CNKSR3: variants seen among roughly 807,000 people sequenced by gnomAD.
CNKSR3 encodes connector enhancer of kinase suppressor of ras 3.
Under a neutral mutation model 67.7 loss-of-function variants are expected in CNKSR3, and 36 were observed. The ratio of observed to expected loss-of-function variants is 0.53; its 90% confidence interval spans 0.41 to 0.70. The LOEUF (loss-of-function observed/expected upper bound fraction) is 0.70, where lower values mean the gene tolerates loss of function less well. Ranked by LOEUF, CNKSR3 falls within the 30% of genes least tolerant of loss-of-function variation. The pLI is 0.00. For missense variants in CNKSR3, 630 were observed against 695.2 expected (o/e 0.91, Z 1.05); for synonymous variants, 281 against 271.4 (o/e 1.04, Z -0.35).
chr6:154,391,729 G>C lies in CNKSR3; in HGVS notation c.*14625C>G, dbSNP rs986021753. The C allele has an allele frequency of 2.0e-5, 3 of 152,090 alleles. No individual in the cohort carries two copies. Among genetic ancestry groups the C allele is most frequent in the African/African-American group, 7.2e-5 (3 of 41,412 alleles). The allele number at this position is 152,090 out of a possible 1,614,324, so 9.4% of individuals were successfully genotyped here. A position where few individuals can be genotyped will look rare whatever the true frequency, so the allele number is the denominator to read the frequency against. On this transcript the variant is annotated 3_prime_UTR_variant, in exon 13 of 13. Transcript: ENST00000607772. ...GTATCTTCCAAATAAAACACCAATA[G>C]TTTCATCCTTGACACCAGCTCTGTA...
chr6:154,414,220 A>G, intron 10 of CNKSR3, 79 bp downstream of exon 10: 2 of 1,455,776 alleles, frequency 1.4e-6, no homozygotes, highest in Non-Finnish European at 1.8e-6. Context: ...TTCCTCTCTC[A>G]AGATCCTCTT....
intron 1 of CNKSR3, among the ~76,000 whole-genome samples, chr6:154,469,998 T>A (rs1421470090): frequency 6.6e-6 from 1 of 152,070 alleles, no homozygotes; most frequent in African/African-American, 2.4e-5. Context: ...CTCCAAAAAA[T>A]TTTCCAGTAC....
chr6:154,421,185 T>C (rs1275393797), intron 9 of CNKSR3, among the ~76,000 whole-genome samples: 1 of 152,194 alleles, frequency 6.6e-6, no homozygotes, highest in African/African-American at 2.4e-5. Context: ...AACTACTTTT[T>C]GTATTTTTAG....
intron 1 of CNKSR3, among the ~76,000 whole-genome samples, chr6:154,473,846 A>G (rs1786383830): frequency 6.6e-6 from 1 of 151,596 alleles, no homozygotes; most frequent in Non-Finnish European, 1.5e-5. Flanking sequence ...GTGCAGTGGC[A>G]TGATCTCAGC....
chr6:154,474,426 T>TG (rs71826489), intron 1 of CNKSR3, among the ~76,000 whole-genome samples: 2,399 of 140,950 alleles, frequency 0.017, 35 homozygotes, highest in Non-Finnish European at 0.029. Context: ...AAAAAAAAAG[T>TG]GGGGGGGGGC....
At chr6:154,406,956 A>AG (rs1160212542) in intron 12 of CNKSR3, among the ~76,000 whole-genome samples, 1 of 81,378 alleles carries the variant, frequency 1.2e-5, no homozygotes, top group Non-Finnish European at 2.7e-5. Flanking sequence ...TGTCCCCTCC[A>AG]GGAAAAAAAA....
At chr6:154,489,172 T>C (rs958881041) in intron 1 of CNKSR3, among the ~76,000 whole-genome samples, 15 of 152,232 alleles carry the variant, frequency 9.9e-5, no homozygotes, top group East Asian at 9.7e-4. Context: ...ACAACAAATA[T>C]ATGATTCCCC....
intron 9 of CNKSR3, among the ~76,000 whole-genome samples, chr6:154,421,987 C>CTTTT (rs34269095): frequency 2.7e-4 from 35 of 127,296 alleles, no homozygotes; most frequent in African/African-American, 4.1e-4. Flanking sequence ...TCATTTCATT[C>CTTTT]TTTTTTTTTT....
In CNKSR3 at chr6:154,407,932, C is replaced by T. The variant is rs141026516; in HGVS notation, c.1370-1280G>A. 3.4e-4 allele frequency among the ~76,000 whole-genome samples: 47 copies of T among 138,280 alleles called. 3 individuals carry two copies. The East Asian group carries it at 9.4e-3, about 28-fold the overall frequency. 90.7% of individuals were successfully genotyped at this position (138,280 alleles called of 152,430 possible). The stretch of plus-strand genomic sequence containing the variant: ...AACAGTGGCACGTTGAATAAATAGG[C>T]GCTAGAGCCATAAGATGGCATTCTA... On this transcript the variant is annotated intron_variant, in intron 12 of 12. Coordinates refer to ENST00000607772, the MANE Select transcript of CNKSR3 (RefSeq NM_173515.4).
At chr6:154,484,661 C>T (rs989384581) in intron 1 of CNKSR3, among the ~76,000 whole-genome samples, 10 of 135,660 alleles carry the variant, frequency 7.4e-5, no homozygotes, top group Admixed American at 2.3e-4. Flanking sequence ...AAGATCGCAT[C>T]ATTGCACTCC....
chr6:154,484,431 C>T (rs1242381467), intron 1 of CNKSR3, among the ~76,000 whole-genome samples: 1 of 152,166 alleles, frequency 6.6e-6, no homozygotes, highest in Non-Finnish European at 1.5e-5. Context: ...CCTGGCCGGG[C>T]ACAGTGGCTC....
chr6:154,458,889 T>C (rs1786016474), intron 1 of CNKSR3, among the ~76,000 whole-genome samples: 1 of 152,150 alleles, frequency 6.6e-6, no homozygotes, highest in Admixed American at 6.5e-5. Flanking sequence ...GTCTGAAAAC[T>C]GGATTGGAAA....
At chr6:154,418,356 C>A (rs760241091) in intron 9 of CNKSR3, among the ~76,000 whole-genome samples, 1 of 152,164 alleles carries the variant, frequency 6.6e-6, no homozygotes, top group African/African-American at 2.4e-5. Context: ...GGATGTACAC[C>A]TAAGACTCTG....
intron 12 of CNKSR3, among the ~76,000 whole-genome samples, chr6:154,409,190 T>C (rs1017285468): frequency 4.6e-5 from 7 of 152,124 alleles, no homozygotes; most frequent in Non-Finnish European, 8.8e-5. Context: ...GGGTCAGGGG[T>C]CAATCAATCC....
chr6:154,403,844 T>C lies in CNKSR3; in HGVS notation c.*2510A>G, dbSNP rs1182347883. ...TGGCTGTTCAATTCACAAGTGGCAT[T>C]TTCCCCACAGAAAAAGAGCTCACCA... On this transcript the variant is annotated 3_prime_UTR_variant, in exon 13 of 13. Transcript: ENST00000607772. 6.6e-6 allele frequency: 1 copy of C among 152,168 alleles called. No homozygotes were observed. Among genetic ancestry groups the C allele is most frequent in the Non-Finnish European group, 1.5e-5 (1 of 68,046 alleles). 9.4% of individuals were successfully genotyped at this position (152,168 alleles called of 1,614,324 possible). A position where few individuals can be genotyped will look rare whatever the true frequency, so the allele number is the denominator to read the frequency against.
rs1173518621 is a variant in CNKSR3 at position 154,510,571 on chromosome 6, TC to T, written c.-458del. On this transcript the variant is annotated 5_prime_UTR_variant, in exon 1 of 13. Transcript: ENST00000607772. ...CGCGTGCGCTGGCGTCCCGGAGCCT[TC>T]CCGGCGCAGGTCCCACCTCCTGCGC... 1 of 182,904 alleles carries T rather than the reference TC, an allele frequency of 5.5e-6. No homozygotes were observed. Among genetic ancestry groups the T allele is most frequent in the Non-Finnish European group, 1.1e-5 (1 of 88,656 alleles). The allele number at this position is 182,904 out of a possible 1,614,324, so 11.3% of individuals were successfully genotyped here.
At chr6:154,507,310 T>C (rs1018836214) in intron 1 of CNKSR3, among the ~76,000 whole-genome samples, 7 of 152,238 alleles carry the variant, frequency 4.6e-5, no homozygotes, top group African/African-American at 9.6e-5. Context: ...GATCCAGCTG[T>C]CGACTGTGGC....
intron 1 of CNKSR3, chr6:154,478,611 A>G (rs2114635990): frequency 6.6e-6 from 1 of 152,370 alleles, no homozygotes; most frequent in Middle Eastern, 3.4e-3. Flanking sequence ...TTAATAAAGG[A>G]ATGAAATGCA....
chr6:154,416,419 G>T (rs559495862), intron 9 of CNKSR3, among the ~76,000 whole-genome samples: 1 of 152,302 alleles, frequency 6.6e-6, no homozygotes, highest in East Asian at 1.9e-4. Flanking sequence ...GTAATTGATT[G>T]ACATCTCAAC....
Sources: gnomAD v4.1 joint callset for allele counts (sites outside exome capture counted in the v4.1 genomes callset) on GRCh38, gnomAD v4.1.1 for gene constraint, MANE v1.5 for transcripts, NCBI Gene and HGNC (gene_info 2026-07-23, HGNC 2026-07-21) for gene names.